The following APLF variants were observed in gnomAD, a reference collection of about 807,000 sequenced individuals.
The protein encoded by APLF is aprataxin and PNKP like factor, also known as aprataxin and PNK-like factor.
In APLF, 61 loss-of-function variants were observed where a neutral mutation model predicts 55.6. The ratio of observed to expected loss-of-function variants is 1.10; its 90% CI spans 0.89 to 1.36. The LOEUF (loss-of-function observed/expected upper bound fraction) is 1.36. APLF is among the 40% of genes most tolerant of loss of function. The pLI, the probability that APLF is intolerant of heterozygous loss-of-function variation, is 0.00. For synonymous variants in APLF, 207 were observed against 214.8 expected (o/e 0.96, Z 0.32); for missense variants, 611 against 602.5 (o/e 1.01, Z -0.15).
At chr2:68,506,396 TTAGA>T (rs1339011488) in intron 3 of APLF, among the ~76,000 whole-genome samples, 2 of 151,620 alleles carry the variant, frequency 1.3e-5, no homozygotes, top group Non-Finnish European at 2.9e-5. Flanking sequence ...GGACTATGTA[TTAGA>T]TAGGAAGCAT....
intron 1 of APLF, among the ~76,000 whole-genome samples, chr2:68,483,669 T>C (rs1162010267): frequency 6.6e-6 from 1 of 152,138 alleles, no homozygotes; most frequent in Non-Finnish European, 1.5e-5. Flanking sequence ...TAATATAGTT[T>C]ATACTGAAAA....
rs777459736 is a variant in APLF, at chr2:68,513,106, A to G, written c.368A>G (p.Asn123Ser). Reference protein sequence around the residue: ...LRNSQVLDEDNILNETPKSPV... With the variant: ...LRNSQVLDEDSILNETPKSPV... ...AACAGTCAAGTGCTTGATGAAGATAATATATTGAATGAAACACCAAAATCC... is the reference window on the plus strand; with the variant it reads ...AACAGTCAAGTGCTTGATGAAGATAGTATATTGAATGAAACACCAAAATCC... The change falls in exon 4 of 10, where the codon AAT becomes AGT. Residue 123 changes from asparagine to serine, a missense_variant. Coordinates refer to ENST00000303795, the MANE Select transcript of APLF (RefSeq NM_173545.3). The G allele has an allele frequency of 2.5e-5, 40 of 1,609,586 alleles. No homozygotes were observed. The highest frequency in any genetic ancestry group is 3.1e-5 in the Non-Finnish European group (36 of 1,177,382).
rs111489949 is a variant in APLF at position 68,484,340 on chromosome 2, A to G, written c.97-5850A>G. On this transcript the variant is annotated intron_variant, in intron 1 of 9. Coordinates refer to ENST00000303795, the MANE Select transcript of APLF (RefSeq NM_173545.3). Reference sequence around the variant, plus strand: ...TATAAGGGATCCACATGGTATCACTACAAAAGTGGTATAAGAATAGAGAGA... The same window carrying G: ...TATAAGGGATCCACATGGTATCACTGCAAAAGTGGTATAAGAATAGAGAGA... Among the ~76,000 whole-genome samples, 375 of 152,264 alleles carry G rather than the reference A, an allele frequency of 2.5e-3. 4 individuals carry two copies. The highest frequency in any genetic ancestry group is 8.5e-3 in the African/African-American group (351 of 41,530).
At chr2:68,539,959 A>G (rs924837268) in intron 7 of APLF, among the ~76,000 whole-genome samples, 3 of 152,258 alleles carry the variant, frequency 2.0e-5, no homozygotes, top group Admixed American at 6.5e-5. Context: ...AACTGTAATT[A>G]TTTACAGGTG....
intron 2 of APLF, among the ~76,000 whole-genome samples, chr2:68,500,237 T>C (rs537873758): frequency 2.0e-5 from 3 of 152,336 alleles, no homozygotes; most frequent in East Asian, 3.9e-4. Context: ...GGATCAAACA[T>C]TAGACTTGAG....
chr2:68,564,673 A>G (rs1480602232), intron 8 of APLF, among the ~76,000 whole-genome samples: 1 of 152,062 alleles, frequency 6.6e-6, no homozygotes, highest in Non-Finnish European at 1.5e-5. Context: ...CATGTGGGAA[A>G]ACTGAAGCTC....
intron 8 of APLF, among the ~76,000 whole-genome samples, chr2:68,563,517 C>A (rs2104059358): frequency 6.6e-6 from 1 of 152,140 alleles, no homozygotes; most frequent in Middle Eastern, 3.4e-3. Flanking sequence ...ACCCCACTCC[C>A]CCACTTTGTG....
chr2:68,572,309 A>G (rs1329448161), intron 9 of APLF, among the ~76,000 whole-genome samples: 1 of 152,130 alleles, frequency 6.6e-6, no homozygotes, highest in African/African-American at 2.4e-5. Context: ...ACTCTTTAAT[A>G]GTAAAATGAA....
chr2:68,469,406 T>C (rs1675548151), intron 1 of APLF, among the ~76,000 whole-genome samples: 2 of 152,214 alleles, frequency 1.3e-5, no homozygotes, highest in South Asian at 4.1e-4. Context: ...TATTTGTAGC[T>C]TGTTCTTTGT....
intron 6 of APLF, among the ~76,000 whole-genome samples, chr2:68,536,102 C>T (rs915180182): frequency 5.3e-5 from 8 of 152,162 alleles, no homozygotes; most frequent in African/African-American, 1.4e-4. Flanking sequence ...CCAATTCTCA[C>T]TCGAGAGTTC....
chr2:68,549,077 CA>C (rs1204252694), intron 8 of APLF, among the ~76,000 whole-genome samples: 1 of 151,942 alleles, frequency 6.6e-6, no homozygotes, highest in Non-Finnish European at 1.5e-5. Flanking sequence ...CCTATAGTGT[CA>C]TTTTTTTTAA....
At chr2:68,502,066 T>C (rs1293919691) in intron 2 of APLF, among the ~76,000 whole-genome samples, 3 of 152,154 alleles carry the variant, frequency 2.0e-5, no homozygotes, top group Non-Finnish European at 4.4e-5. Flanking sequence ...TTGCATTTAT[T>C]ACAGACCCAC....
At chr2:68,504,169 A>C (rs1033076541) in intron 3 of APLF, among the ~76,000 whole-genome samples, 1 of 152,034 alleles carries the variant, frequency 6.6e-6, no homozygotes, top group African/African-American at 2.4e-5. Context: ...CATTTTAAAA[A>C]TTGAATTCAT....
chr2:68,526,587 A>G (rs535205935), intron 6 of APLF, among the ~76,000 whole-genome samples: 1 of 152,328 alleles, frequency 6.6e-6, no homozygotes, highest in Admixed American at 6.5e-5. Context: ...CTTACAAATT[A>G]CAAGAACAAT....
chr2:68,545,283 T>C lies in APLF; in HGVS notation c.1257T>C (p.Pro419=). 6.2e-7 allele frequency: 1 copy of C among 1,613,820 alleles called. No individual in the cohort carries two copies. Among genetic ancestry groups the C allele is most frequent in the Non-Finnish European group, 8.5e-7 (1 of 1,179,790 alleles). The part of the protein sequence containing the change: ...IVGQDETDDR[P]ECPYGPSCYR... ...GCCAAGATGAGACTGATGACCGGCC[T>C]GAATGTCCCTATGGACCATCCTGTT... Residue 419 remains proline, a synonymous_variant, in exon 8 of 10, where the codon CCT becomes CCC. Transcript: ENST00000303795.
At chr2:68,517,950 CA>C (rs1669684720) in intron 5 of APLF, among the ~76,000 whole-genome samples, 1 of 141,222 alleles carries the variant, frequency 7.1e-6, no homozygotes, top group African/African-American at 2.6e-5. Context: ...CGTAATATAT[CA>C]CTAATATGTG....
At position 68,480,619 on chromosome 2, in the gene APLF, T is replaced by A. The variant is rs6741999; in HGVS notation, c.97-9571T>A. Among the ~76,000 whole-genome samples the A allele has an allele frequency of 2.9e-3, 443 of 152,080 alleles. 2 individuals carry two copies. Among genetic ancestry groups the A allele is most frequent in the African/African-American group, 0.01 (419 of 41,496 alleles). ...GCCCGGCTGTTTTTTTTTTCTTACC[T>A]AATTGCTCTGGCTAGGACTAATAGT... On this transcript the variant is annotated intron_variant, in intron 1 of 9. Transcript: ENST00000303795.
intron 1 of APLF, among the ~76,000 whole-genome samples, chr2:68,472,362 TA>T (rs1352233646): frequency 6.6e-6 from 1 of 152,116 alleles, no homozygotes; most frequent in Non-Finnish European, 1.5e-5. Context: ...TATTTTAGGG[TA>T]AAACATTTTG....
rs386390398 is a variant in APLF at position 68,525,742 on chromosome 2, C to CTTTTTTTTTTTTTTTTT, written c.623-310_623-294dup. ...TTTATCCTTTTTATTTTCTTTCTTT[C>CTTTTTTTTTTTTTTTTT]TTTTTTTTTTTTTTTTTTTTTTTTT... On this transcript the variant is annotated intron_variant, in intron 5 of 9. Transcript: ENST00000303795. Among the ~76,000 whole-genome samples the CTTTTTTTTTTTTTTTTT allele has an allele frequency of 1.1e-3, 94 of 82,026 alleles. 14 individuals are homozygous for CTTTTTTTTTTTTTTTTT. The highest frequency in any genetic ancestry group is 5.1e-3 in the African/African-American group (83 of 16,182). The allele number at this position is 82,026 out of a possible 152,430, so 53.8% of individuals were successfully genotyped here. A position where few individuals can be genotyped will look rare whatever the true frequency, so the allele number is the denominator to read the frequency against.
Sources: allele counts gnomAD v4.1 joint callset (sites outside exome capture counted in the v4.1 genomes callset), GRCh38; gene constraint gnomAD v4.1.1; transcripts MANE v1.5; gene names NCBI Gene and HGNC (gene_info 2026-07-23, HGNC 2026-07-21).